The following ELMO1 variants were observed in gnomAD, a reference collection of about 807,000 sequenced individuals.
The protein encoded by ELMO1 is engulfment and cell motility 1, also known as engulfment and cell motility protein 1.
Under a neutral mutation model 98.9 loss-of-function variants are expected in ELMO1, and 26 were observed. The observed-to-expected ratio is 0.26, with a 90% confidence interval of 0.19 to 0.36. ELMO1 has a LOEUF of 0.36. Among genes scored for constraint, ELMO1 ranks in the 10% least tolerant of loss-of-function variants. The pLI is 1.00. For synonymous variants in ELMO1, 346 were observed against 346.0 expected, an observed-to-expected ratio of 1.00 and a Z score of 0.00; for missense variants, 627 against 935.2, an observed-to-expected ratio of 0.67 and a Z score of 4.30.
intron 1 of ELMO1, among the ~76,000 whole-genome samples, chr7:37,432,085 T>G (rs1271281145): frequency 6.6e-6 from 1 of 152,202 alleles, no homozygotes; most frequent in South Asian, 2.1e-4. Flanking sequence ...TTCTCCATGT[T>G]GGTCAGGCTG....
chr7:37,083,756 T>C (rs1783609067), intron 15 of ELMO1, among the ~76,000 whole-genome samples: 1 of 152,222 alleles, frequency 6.6e-6, no homozygotes. Context: ...ACCTGCCAGC[T>C]GGAGCTGCCC....
chr7:37,090,896 C>T (rs2129248023), intron 15 of ELMO1, among the ~76,000 whole-genome samples: 1 of 152,282 alleles, frequency 6.6e-6, no homozygotes, highest in Middle Eastern at 3.4e-3. Flanking sequence ...GGTTCTAAAT[C>T]CATGTCCACA....
intron 13 of ELMO1, among the ~76,000 whole-genome samples, chr7:37,142,637 G>A (rs982698010): frequency 3.3e-5 from 5 of 152,188 alleles, no homozygotes; most frequent in African/African-American, 9.7e-5. Flanking sequence ...ACTTTACATA[G>A]ACTGAGAAAA....
rs1190772481 is a variant in ELMO1 at position 37,133,162 on chromosome 7, A to G, written c.1159T>C (p.Phe387Leu). ...TAGGCATCTTGGTGGTGCTTGGCAA[A>G]GTACAGCATGTTGTCCAGAGCCAAC... is the stretch of plus-strand genomic sequence containing the variant. ...GMLALDNMLY[F>L]AKHHQDAYIR... The change falls in exon 14 of 22, where the codon TTT (phenylalanine) becomes CTT (leucine). Residue 387 changes from phenylalanine (F) to leucine (L), a missense_variant. Physicochemically the swap from Phe to Leu is conservative, Grantham distance 22 (BLOSUM62 0). Coordinates refer to ENST00000310758, the MANE Select transcript of ELMO1 (RefSeq NM_014800.11). 1.9e-6 allele frequency: 3 copies of G among 1,612,110 alleles called. No homozygotes were observed. Among genetic ancestry groups the G allele is most frequent in the Admixed American group, 1.7e-5 (1 of 59,618 alleles).
chr7:36,871,034 A>T (rs1352531060), intron 19 of ELMO1, among the ~76,000 whole-genome samples: 2 of 152,256 alleles, frequency 1.3e-5, no homozygotes, highest in Non-Finnish European at 1.5e-5. Flanking sequence ...CCATCTCATT[A>T]ATTCTATAAA....
At chr7:36,865,879 A>G (rs1345006117) in intron 20 of ELMO1, among the ~76,000 whole-genome samples, 3 of 152,250 alleles carry the variant, frequency 2.0e-5, no homozygotes, top group South Asian at 2.1e-4. Flanking sequence ...TGAATGAATG[A>G]ATGGATGATG....
At chr7:37,389,568 C>T (rs1243990459) in intron 1 of ELMO1, among the ~76,000 whole-genome samples, 3 of 152,222 alleles carry the variant, frequency 2.0e-5, no homozygotes, top group African/African-American at 7.2e-5. Context: ...CTCAGGCAAG[C>T]GAGAGTCTCG....
intron 16 of ELMO1, among the ~76,000 whole-genome samples, chr7:36,922,358 A>C (rs367758155): frequency 0.016 from 2,444 of 151,444 alleles, 47 homozygotes; most frequent in Non-Finnish European, 0.024. Flanking sequence ...AAAAAAAAAA[A>C]AAAAAAAAAA....
At chr7:37,101,556 A>G (rs1023695077) in intron 14 of ELMO1, among the ~76,000 whole-genome samples, 8 of 152,226 alleles carry the variant, frequency 5.3e-5, no homozygotes, top group Non-Finnish European at 1.0e-4. Flanking sequence ...AATTGGTTAT[A>G]GAAGCAGTTA....
intron 16 of ELMO1, among the ~76,000 whole-genome samples, chr7:36,952,341 G>T (rs759746743): frequency 1.3e-5 from 2 of 152,166 alleles, no homozygotes; most frequent in Non-Finnish European, 2.9e-5. Flanking sequence ...ACGTGGCCAC[G>T]GGAGGTGGGA....
intron 16 of ELMO1, among the ~76,000 whole-genome samples, chr7:36,907,567 T>C (rs751384091): frequency 1.3e-5 from 2 of 152,172 alleles, no homozygotes; most frequent in Non-Finnish European, 2.9e-5. Context: ...CTGAAAAGGT[T>C]CTTGTGTTTC....
At chr7:36,880,230 C>T (rs1180707396) in intron 18 of ELMO1, among the ~76,000 whole-genome samples, 1 of 152,190 alleles carries the variant, frequency 6.6e-6, no homozygotes, top group East Asian at 1.9e-4. Flanking sequence ...ACATGCTGGG[C>T]TTATTGTGAG....
chr7:37,441,005 A>G (rs954074642), intron 1 of ELMO1, among the ~76,000 whole-genome samples: 1 of 152,090 alleles, frequency 6.6e-6, no homozygotes, highest in African/African-American at 2.4e-5. Flanking sequence ...AAAAACAAAA[A>G]AAAAATTATT....
intron 19 of ELMO1, among the ~76,000 whole-genome samples, chr7:36,877,145 C>T (rs541791599): frequency 6.6e-6 from 1 of 152,158 alleles, no homozygotes; most frequent in South Asian, 2.1e-4. Context: ...GTGTGAGACT[C>T]TGGGTAAGGA....
intron 1 of ELMO1, among the ~76,000 whole-genome samples, chr7:37,412,267 G>A (rs1804022314): frequency 6.6e-6 from 1 of 152,222 alleles, no homozygotes; most frequent in Non-Finnish European, 1.5e-5. Flanking sequence ...GGCTTCCAGA[G>A]AGTTCTATTC....
chr7:37,171,623 G>C (rs550844435), intron 13 of ELMO1, among the ~76,000 whole-genome samples: 27 of 150,896 alleles, frequency 1.8e-4, no homozygotes, highest in African/African-American at 6.1e-4. Flanking sequence ...ATCCCGAGTA[G>C]CTGGGTCTAC....
intron 15 of ELMO1, among the ~76,000 whole-genome samples, chr7:37,091,814 C>G (rs912869548): frequency 1.3e-5 from 2 of 152,116 alleles, no homozygotes; most frequent in Non-Finnish European, 2.9e-5. Flanking sequence ...TCTTACATGG[C>G]GGCAGGCAAG....
chr7:37,421,119 A>G (rs1001280824), intron 1 of ELMO1, among the ~76,000 whole-genome samples: 5 of 152,244 alleles, frequency 3.3e-5, no homozygotes, highest in African/African-American at 1.2e-4. Flanking sequence ...AGCAAGTGGC[A>G]GAGTTAAACA....
At position 37,301,948 on chromosome 7, in the gene ELMO1, CT is replaced by C. The variant is rs2131026569; in HGVS notation, c.192+12901del. Among the ~76,000 whole-genome samples the C allele has an allele frequency of 2.0e-5, 3 of 152,242 alleles. No individual in the cohort carries two copies. In the South Asian group the frequency reaches 6.2e-4, roughly 32 times the overall value. On this transcript the variant is annotated intron_variant, in intron 4 of 21. Transcript: ENST00000310758. ...TTCTTACTTTATCTCTTTGTCCTTCCTCTTGGTTTAAAAAGTTAAATAATTG... is the reference window on the plus strand; with the variant it reads ...TTCTTACTTTATCTCTTTGTCCTTCCCTTGGTTTAAAAAGTTAAATAATTG...
Sources: allele counts gnomAD v4.1 joint callset (sites outside exome capture counted in the v4.1 genomes callset), GRCh38; gene constraint gnomAD v4.1.1; transcripts MANE v1.5; gene names NCBI Gene and HGNC (gene_info 2026-07-23, HGNC 2026-07-21).